The following ANGPTL1 variants were observed in gnomAD, a reference collection of about 807,000 sequenced individuals.
ANGPTL1 encodes the protein angiopoietin-related protein 1.
ANGPTL1 carries 36 observed loss-of-function variants against 46.7 expected under a neutral mutation model. That is an observed-to-expected ratio of 0.77 (90% CI 0.59 to 1.02). The LOEUF (loss-of-function observed/expected upper bound fraction) is 1.02. Ranked by LOEUF, ANGPTL1 falls within the 50% of genes least tolerant of loss-of-function variation. The probability of loss-of-function intolerance (pLI) is 0.00; values close to 1 mark genes in which losing one functional copy is unlikely to be tolerated. For synonymous variants in ANGPTL1, 221 were observed against 204.3 expected, an observed-to-expected ratio of 1.08 and a Z score of -0.69; for missense variants, 571 against 594.7, an observed-to-expected ratio of 0.96 and a Z score of 0.41.
chr1:178,853,872 G>A (rs1657352171), intron 3 of ANGPTL1, 85 bp from the exon 4 acceptor site: 16 of 1,113,040 alleles, frequency 1.4e-5, no homozygotes, highest in Non-Finnish European at 2.0e-5. Flanking sequence ...TTTTACCTTT[G>A]TGTCTTTGTT....
chr1:178,856,450 G>T (rs1449145344), intron 3 of ANGPTL1, among the ~76,000 whole-genome samples: 5 of 99,028 alleles, frequency 5.0e-5, no homozygotes, highest in African/African-American at 1.7e-4. Context: ...TTGGTACATT[G>T]CCCAGGGTGG....
At chr1:178,853,352 G>C (rs73039838) in intron 4 of ANGPTL1, among the ~76,000 whole-genome samples, 7,972 of 152,206 alleles carry the variant, frequency 0.052, 729 homozygotes, top group African/African-American at 0.18. Context: ...AAAGTAGTAA[G>C]TATAAGTCAT....
chr1:178,854,241 G>A (rs1390252817), intron 3 of ANGPTL1, among the ~76,000 whole-genome samples: 2 of 152,038 alleles, frequency 1.3e-5, no homozygotes, highest in Non-Finnish European at 2.9e-5. Context: ...AATGCTGAGG[G>A]ATCGATCTAC....
chr1:178,869,738 T>A (rs1014712199), intron 1 of ANGPTL1, among the ~76,000 whole-genome samples: 1 of 152,152 alleles, frequency 6.6e-6, no homozygotes, highest in African/African-American at 2.4e-5. Context: ...TTGTTCAAGA[T>A]TCTTAACCAT....
At chr1:178,864,349 G>A (rs980497517) in intron 3 of ANGPTL1, among the ~76,000 whole-genome samples, 6 of 152,026 alleles carry the variant, frequency 3.9e-5, no homozygotes, top group Non-Finnish European at 8.8e-5. Flanking sequence ...TTGGAAAATA[G>A]GAGGGATACC....
At chr1:178,852,230 CTTTCTATT>C (rs1657218183) in intron 5 of ANGPTL1, among the ~76,000 whole-genome samples, 1 of 152,170 alleles carries the variant, frequency 6.6e-6, no homozygotes, top group African/African-American at 2.4e-5. Flanking sequence ...CTGCCCACCA[CTTTCTATT>C]TTCTTACTCA....
intron 3 of ANGPTL1, among the ~76,000 whole-genome samples, chr1:178,859,091 ATTAC>A (rs1431733932): frequency 3.3e-5 from 5 of 152,080 alleles, no homozygotes; most frequent in Admixed American, 3.3e-4. Context: ...AATAATATGA[ATTAC>A]TTAGTTTATT....
Position 178,865,337 on chromosome 1 carries a change from T to G in ANGPTL1, c.440A>C (p.Asn147Thr), listed in dbSNP as rs372155068. ...LLHEIIRKRDNSLELSQLENK... is the reference protein window; with the variant it reads ...LLHEIIRKRDTSLELSQLENK... Reference sequence around the variant, plus strand: ...TTCCAGTTGGGAAAGTTCAAGTGAATTATCCCTCTTACGGATAATCTCATG... The same window carrying G: ...TTCCAGTTGGGAAAGTTCAAGTGAAGTATCCCTCTTACGGATAATCTCATG... Residue 147 changes from asparagine (N) to threonine (T), a missense_variant, in exon 3 of 6, where the codon AAT (asparagine) becomes ACT (threonine). Asn to Thr is a moderately conservative substitution (Grantham distance 65, BLOSUM62 0). Coordinates refer to ENST00000234816, the MANE Select transcript of ANGPTL1 (RefSeq NM_004673.4). The G allele has an allele frequency of 2.4e-4, 383 of 1,614,080 alleles. 9 individuals are homozygous for G. In the South Asian group the frequency reaches 4.0e-3, roughly 17 times the overall value.
intron 3 of ANGPTL1, among the ~76,000 whole-genome samples, chr1:178,859,272 A>C (rs1657794761): frequency 6.6e-6 from 1 of 151,800 alleles, no homozygotes. Flanking sequence ...CATTGAAACC[A>C]ATTATACCTA....
chr1:178,863,783 A>G lies in ANGPTL1; in HGVS notation c.823+1171T>C, dbSNP rs189468535. 3.7e-3 allele frequency among the ~76,000 whole-genome samples: 558 copies of G among 152,332 alleles called. 5 individuals carry two copies. The highest frequency in any genetic ancestry group is 0.012 in the African/African-American group (505 of 41,572). On this transcript the variant is annotated intron_variant, in intron 3 of 5. Transcript: ENST00000234816. ...CAGTGAAGGACCTAAAGAAATAGGA[A>G]GTGAAGGAAGAATATTAAAATGTAG...
In ANGPTL1 at chr1:178,856,198, G is replaced by GAT. The variant is rs1232946834; in HGVS notation, c.824-2412_824-2411insAT. 9.3e-3 allele frequency among the ~76,000 whole-genome samples: 439 copies of GAT among 47,142 alleles called. 4 individuals are homozygous for GAT. The highest frequency in any genetic ancestry group is 0.025 in the African/African-American group (403 of 16,010). The allele number at this position is 47,142 out of a possible 152,430, so 30.9% of individuals were successfully genotyped here. A position where few individuals can be genotyped will look rare whatever the true frequency, so the allele number is the denominator to read the frequency against. On this transcript the variant is annotated intron_variant, in intron 3 of 5. Coordinates refer to ENST00000234816, the MANE Select transcript of ANGPTL1 (RefSeq NM_004673.4). ...TGTTACCTGTACTTTTCCAGAGAGA[G>GAT]AGAGATATATATATATATATATATA... is the stretch of plus-strand genomic sequence containing the variant.
At chr1:178,855,248 T>G (rs1657451496) in intron 3 of ANGPTL1, among the ~76,000 whole-genome samples, 1 of 151,840 alleles carries the variant, frequency 6.6e-6, no homozygotes, top group Non-Finnish European at 1.5e-5. Context: ...GAAGGGATTC[T>G]TAGAGACTAT....
intron 3 of ANGPTL1, among the ~76,000 whole-genome samples, chr1:178,855,475 C>T (rs1657472492): frequency 6.6e-6 from 1 of 151,816 alleles, no homozygotes; most frequent in African/African-American, 2.4e-5. Context: ...TGATATTTTT[C>T]TCTTAAATTT....
chr1:178,851,057 A>T lies in ANGPTL1; in HGVS notation c.*72T>A. The T allele has an allele frequency of 7.1e-7, 1 of 1,414,488 alleles. No individual in the cohort carries two copies. Among genetic ancestry groups the T allele is most frequent in the Non-Finnish European group, 9.6e-7 (1 of 1,046,230 alleles). 87.6% of individuals were successfully genotyped at this position (1,414,488 alleles called of 1,614,324 possible). A position where few individuals can be genotyped will look rare whatever the true frequency, so the allele number is the denominator to read the frequency against. ...AAATAAATTGTGCCAAGTAATATAC[A>T]TGTAACATTTACATTTTTAAGAGCT... On this transcript the variant is annotated 3_prime_UTR_variant, in exon 6 of 6. Coordinates refer to ENST00000234816, the MANE Select transcript of ANGPTL1 (RefSeq NM_004673.4).
intron 3 of ANGPTL1, among the ~76,000 whole-genome samples, chr1:178,859,837 C>A (rs1292910842): frequency 7.5e-6 from 1 of 133,374 alleles, no homozygotes; most frequent in African/African-American, 2.7e-5. Flanking sequence ...CCCCCCCAAC[C>A]GCCCAAGTAG....
At chr1:178,866,346 C>A (rs550997252) in intron 2 of ANGPTL1, among the ~76,000 whole-genome samples, 3 of 152,172 alleles carry the variant, frequency 2.0e-5, no homozygotes, top group South Asian at 4.1e-4. Context: ...TTAAAATGTT[C>A]AATAAAGTTA....
At position 178,853,676 on chromosome 1, in the gene ANGPTL1, C is replaced by T; in HGVS notation, c.935G>A (p.Ser312Asn). 6.2e-7 allele frequency: 1 copy of T among 1,612,988 alleles called. No homozygotes were observed. The highest frequency in any genetic ancestry group is 8.5e-7 in the Non-Finnish European group (1 of 1,179,420). ...NGPMQLWCEN[S>N]LDPGGWTVIQ... ...AACAGTCCAACCCCCAGGGTCCAAA[C>T]TGTTTTCACACCATAACTGCATTGG... Residue 312 changes from serine (S) to asparagine (N), a missense_variant, in exon 4 of 6, where the codon AGT (serine) becomes AAT (asparagine). Coordinates refer to ENST00000234816, the MANE Select transcript of ANGPTL1 (RefSeq NM_004673.4).
In ANGPTL1 at chr1:178,852,690, C is replaced by T. The variant is rs749799101; in HGVS notation, c.1281G>A (p.Met427Ile). The change falls in exon 5 of 6, where the codon ATG (methionine) becomes ATA (isoleucine). Residue 427 changes from methionine to isoleucine, a missense_variant. Physicochemically the swap from Met to Ile is conservative, Grantham distance 10 (BLOSUM62 1). Coordinates refer to ENST00000234816, the MANE Select transcript of ANGPTL1 (RefSeq NM_004673.4). ...AAAGTTTTTCATACTTACCTGCATA[C>T]ATATCTTTATCTCTGTCCAGTGTGG... ...QFTTLDRDKD[M>I]YAGNCAHFHK... The T allele has an allele frequency of 1.2e-6, 2 of 1,612,040 alleles. No homozygotes were observed. The highest frequency in any genetic ancestry group is 1.1e-5 in the South Asian group (1 of 90,858).
chr1:178,859,435 C>A (rs1330758527), intron 3 of ANGPTL1, among the ~76,000 whole-genome samples: 1 of 132,066 alleles, frequency 7.6e-6, no homozygotes, highest in African/African-American at 2.8e-5. Context: ...GACGGAGTCT[C>A]GCTCTGTCGC....
Sources: allele counts gnomAD v4.1 joint callset (sites outside exome capture counted in the v4.1 genomes callset), GRCh38; gene constraint gnomAD v4.1.1; transcripts MANE v1.5; gene names NCBI Gene and HGNC (gene_info 2026-07-23, HGNC 2026-07-21).